COG5: variants seen among roughly 807,000 people sequenced by gnomAD.
COG5 encodes the protein conserved oligomeric Golgi complex subunit 5.
Under a neutral mutation model 110.4 loss-of-function variants are expected in COG5, and 86 were observed. That is an observed-to-expected ratio of 0.78 (90% CI 0.65 to 0.93). The LOEUF is 0.93. Ranked by LOEUF, COG5 falls within the 40% of genes least tolerant of loss-of-function variation. COG5 has a pLI of 0.00. For synonymous variants in COG5, 360 were observed against 334.6 expected (o/e 1.08, Z -0.83); for missense variants, 1,077 against 987.0 (o/e 1.09, Z -1.22).
chr7:107,296,284 AACTGTT>A (rs1225088668), intron 12 of COG5, among the ~76,000 whole-genome samples: 1 of 152,142 alleles, frequency 6.6e-6, no homozygotes, highest in African/African-American at 2.4e-5. Context: ...TCCTGGAAAT[AACTGTT>A]ACTGTTTGCT....
chr7:107,236,634 TCCTTCATGTACAGAGAA>T lies in COG5; in HGVS notation c.1890_1906del (p.Cys630Ter). On this transcript the variant is annotated stop_gained and frameshift_variant, in exon 18 of 22. Transcript: ENST00000297135. LOFTEE classifies it high-confidence loss of function. ...AACTCTGGCAATGAAACCTTGTAGC[TCCTTCATGTACAGAGAA>T]CAAGGAACATCAGGTTTTCCTGAGC... 1 of 1,614,084 alleles carries T rather than the reference TCCTTCATGTACAGAGAA, an allele frequency of 6.2e-7. No homozygotes were observed. Among genetic ancestry groups the T allele is most frequent in the Non-Finnish European group, 8.5e-7 (1 of 1,180,010 alleles).
chr7:107,487,549 G>A (rs1797721880), intron 6 of COG5, among the ~76,000 whole-genome samples: 1 of 151,810 alleles, frequency 6.6e-6, no homozygotes, highest in African/African-American at 2.4e-5. Flanking sequence ...ATAAACCTAT[G>A]AGTATTTTTC....
In COG5 at chr7:107,201,833, T is replaced by C. The variant is rs1257265413; in HGVS notation, c.*1683A>G. ...TTATACATTGGCTCCTTACTGCTTATTAATCTGTATTGTACACATGATGAA... is the reference window on the plus strand; with the variant it reads ...TTATACATTGGCTCCTTACTGCTTACTAATCTGTATTGTACACATGATGAA... On this transcript the variant is annotated 3_prime_UTR_variant, in exon 22 of 22. Transcript: ENST00000297135. 6.1e-6 allele frequency: 1 copy of C among 164,154 alleles called. No individual in the cohort carries two copies. Among genetic ancestry groups the C allele is most frequent in the East Asian group, 1.8e-4 (1 of 5,692 alleles). The allele number at this position is 164,154 out of a possible 1,614,324, so 10.2% of individuals were successfully genotyped here.
intron 12 of COG5, among the ~76,000 whole-genome samples, chr7:107,290,594 T>C (rs1806085259): frequency 6.6e-6 from 1 of 152,228 alleles, no homozygotes; most frequent in Non-Finnish European, 1.5e-5. Context: ...TTAGTATTTC[T>C]TGTAAGCTGG....
intron 10 of COG5, among the ~76,000 whole-genome samples, chr7:107,334,242 T>C (rs62482498): frequency 2.1e-3 from 327 of 152,156 alleles, no homozygotes; most frequent in Non-Finnish European, 3.8e-3. Flanking sequence ...AATCCTGTCA[T>C]TCAAGGTAAC....
At chr7:107,242,794 C>A (rs976713321) in intron 17 of COG5, among the ~76,000 whole-genome samples, 1 of 152,154 alleles carries the variant, frequency 6.6e-6, no homozygotes, top group Non-Finnish European at 1.5e-5. Context: ...AGCTTAGACC[C>A]TCCCCCACTG....
intron 18 of COG5, among the ~76,000 whole-genome samples, chr7:107,235,902 A>G (rs377600916): frequency 3.3e-4 from 51 of 152,322 alleles, no homozygotes; most frequent in African/African-American, 1.1e-3. Flanking sequence ...TCTATCTCTC[A>G]CACACATCAG....
intron 19 of COG5, among the ~76,000 whole-genome samples, chr7:107,218,772 CAT>C (rs1488284902): frequency 6.6e-6 from 1 of 151,916 alleles, no homozygotes; most frequent in Non-Finnish European, 1.5e-5. Flanking sequence ...AGAAAGAAAA[CAT>C]AGGGGGAAAC....
chr7:107,275,317 A>G (rs1804616518), intron 14 of COG5, among the ~76,000 whole-genome samples: 1 of 151,580 alleles, frequency 6.6e-6, no homozygotes, highest in African/African-American at 2.4e-5. Context: ...TCAAGAGGCT[A>G]GCTAGGTAAC....
chr7:107,556,111 A>T (rs1475112697), intron 2 of COG5, among the ~76,000 whole-genome samples: 1 of 152,168 alleles, frequency 6.6e-6, no homozygotes, highest in African/African-American at 2.4e-5. Context: ...AGAGAACCAC[A>T]TTGATCACTC....
chr7:107,443,923 C>G (rs572614882), intron 6 of COG5, among the ~76,000 whole-genome samples: 4 of 152,164 alleles, frequency 2.6e-5, no homozygotes, highest in Non-Finnish European at 5.9e-5. Flanking sequence ...AGGGAAAGCA[C>G]TGGACTGATT....
rs533107678 is a variant in COG5 at position 107,517,205 on chromosome 7, T to C, written c.538+10032A>G. The stretch of plus-strand genomic sequence containing the variant: ...AAAAACTTAGTGAAGCATACACAAG[T>C]ATCAACAGCCGAATAGATCAAGTGG... On this transcript the variant is annotated intron_variant, in intron 6 of 21. Transcript: ENST00000297135. Among the ~76,000 whole-genome samples the C allele has an allele frequency of 8.8e-4, 134 of 151,928 alleles. 4 individuals are homozygous for C. The South Asian group carries it at 0.026, about 30-fold the overall frequency.
chr7:107,284,844 T>C (rs777268837), intron 12 of COG5, among the ~76,000 whole-genome samples: 40 of 152,242 alleles, frequency 2.6e-4, no homozygotes, highest in Non-Finnish European at 5.0e-4. Flanking sequence ...CTGTTTACAA[T>C]CCTTCCACCA....
chr7:107,443,162 T>C (rs1029678278), intron 6 of COG5, among the ~76,000 whole-genome samples: 5 of 152,174 alleles, frequency 3.3e-5, no homozygotes, highest in African/African-American at 9.6e-5. Flanking sequence ...ACATGGTATA[T>C]TATCTGGCAA....
intron 12 of COG5, among the ~76,000 whole-genome samples, chr7:107,286,083 C>A (rs561173163): frequency 1.3e-5 from 2 of 151,918 alleles, no homozygotes; most frequent in South Asian, 4.2e-4. Context: ...TACTGAGGGG[C>A]CCTGAAGGAA....
intron 10 of COG5, among the ~76,000 whole-genome samples, chr7:107,341,750 T>C (rs1811186787): frequency 6.6e-6 from 1 of 151,836 alleles, no homozygotes; most frequent in African/African-American, 2.4e-5. Context: ...AAAAATAAAA[T>C]ACAAAAGTCT....
chr7:107,552,189 C>T (rs990487941), intron 3 of COG5, among the ~76,000 whole-genome samples: 3 of 152,118 alleles, frequency 2.0e-5, no homozygotes, highest in Non-Finnish European at 2.9e-5. Context: ...TACTACCATG[C>T]CATCCTTATT....
chr7:107,298,698 C>T (rs1187203504), intron 11 of COG5, among the ~76,000 whole-genome samples: 3 of 152,178 alleles, frequency 2.0e-5, no homozygotes, highest in East Asian at 3.8e-4. Flanking sequence ...TAATAATTTA[C>T]ATTCACACAA....
At chr7:107,551,423 A>T (rs1378281464) in intron 3 of COG5, among the ~76,000 whole-genome samples, 2 of 152,224 alleles carry the variant, frequency 1.3e-5, no homozygotes, top group African/African-American at 4.8e-5. Context: ...ATAGGCTTAA[A>T]CATACCTCCA....
Sources: gnomAD v4.1 joint callset for allele counts (sites outside exome capture counted in the v4.1 genomes callset) on GRCh38, gnomAD v4.1.1 for gene constraint, MANE v1.5 for transcripts, NCBI Gene and HGNC (gene_info 2026-07-23, HGNC 2026-07-21) for gene names.